COA6: variants seen among roughly 807,000 people sequenced by gnomAD.
The protein encoded by COA6 is cytochrome c oxidase assembly factor 6.
COA6 carries 12 observed loss-of-function variants against 17.1 expected under a neutral mutation model. The ratio of observed to expected loss-of-function variants is 0.70; its 90% CI spans 0.45 to 1.14. The LOEUF (loss-of-function observed/expected upper bound fraction) is 1.14, where lower values mean the gene tolerates loss of function less well. Ranked by LOEUF, COA6 falls within the 50% of genes most tolerant of loss-of-function variation. The pLI is 0.00. For missense variants in COA6, 246 were observed against 196.5 expected (o/e 1.25, Z -1.51); for synonymous variants, 90 against 73.4 (o/e 1.23, Z -1.16).
rs138374228 is a variant in COA6 at position 234,378,211 on chromosome 1, C to T, written c.372+3822C>T. Among the ~76,000 whole-genome samples the T allele has an allele frequency of 5.4e-3, 822 of 152,190 alleles. 9 individuals are homozygous for T. The highest frequency in any genetic ancestry group is 0.019 in the African/African-American group (793 of 41,522). ...AAATCACCCAAATATAGATGATGGC[C>T]CTACTTCAGCTCCATGGTCATTTTT... On this transcript the variant is annotated intron_variant, in intron 2 of 2. Transcript: ENST00000366615.
Position 234,374,302 on chromosome 1 carries a change from C to G in COA6, c.285C>G (p.Tyr95Ter). The G allele has an allele frequency of 6.2e-7, 1 of 1,613,984 alleles. No individual in the cohort carries two copies. The highest frequency in any genetic ancestry group is 8.5e-7 in the Non-Finnish European group (1 of 1,179,976). The change falls in exon 2 of 3, where the codon TAC becomes TAG. Residue 95 changes from tyrosine to a stop codon, truncating the protein, a stop_gained. Transcript: ENST00000366615. LOFTEE classifies it high-confidence loss of function. ...TCTGCTGGGGGGCCCGGGATGAGTACTGGAAGTGTTTAGATGAGAACTTAG... is the reference window on the plus strand; with the variant it reads ...TCTGCTGGGGGGCCCGGGATGAGTAGTGGAAGTGTTTAGATGAGAACTTAG... Reference protein sequence around the residue: ...RQVCWGARDEYWKCLDENLED... With the variant: ...RQVCWGARDE
In COA6 at chr1:234,373,614, G is replaced by A. The variant is rs1387636136; in HGVS notation, c.148G>A (p.Val50Met). 1.2e-6 allele frequency: 2 copies of A among 1,612,838 alleles called. No individual in the cohort carries two copies. The highest frequency in any genetic ancestry group is 1.7e-6 in the Non-Finnish European group (2 of 1,179,666). ...TRHRALHRRL[V>M]ACVTVSSRRH... ...GCACCGCGCCCTCCACCGCCGGTTGGTGGCCTGCGTGACAGTTTCCTCCCG... is the reference window on the plus strand; with the variant it reads ...GCACCGCGCCCTCCACCGCCGGTTGATGGCCTGCGTGACAGTTTCCTCCCG... Residue 50 changes from valine (V) to methionine (M), a missense_variant, in exon 1 of 3, where the codon GTG becomes ATG. Physicochemically the swap from Val to Met is conservative, Grantham distance 21. Coordinates refer to ENST00000366615, the MANE Select transcript of COA6 (RefSeq NM_001206641.3).
chr1:234,373,991 A>C (rs1658699999), intron 1 of COA6: 1 of 1,062,124 alleles, frequency 9.4e-7, no homozygotes, highest in Non-Finnish European at 1.3e-6. Context: ...CCGCCCCAGC[A>C]GGGATCAAAT....
chr1:234,377,960 A>AGCC (rs1658858992), intron 2 of COA6, among the ~76,000 whole-genome samples: 2 of 152,244 alleles, frequency 1.3e-5, no homozygotes. Flanking sequence ...AGCTCTCTGT[A>AGCC]ACCAGTCTTG....
chr1:234,374,337 C>A lies in COA6; in HGVS notation c.320C>A (p.Ser107Tyr), dbSNP rs754262241. 6.2e-7 allele frequency: 1 copy of A among 1,614,090 alleles called. No individual in the cohort carries two copies. Among genetic ancestry groups the A allele is most frequent in the Non-Finnish European group, 8.5e-7 (1 of 1,180,018 alleles). ...KCLDENLEDA[S>Y]QCKKLRSSFE... Reference sequence around the variant, plus strand: ...TTAGATGAGAACTTAGAGGATGCTTCTCAATGCAAGAAGTTAAGAAGCTCT... The same window carrying A: ...TTAGATGAGAACTTAGAGGATGCTTATCAATGCAAGAAGTTAAGAAGCTCT... Residue 107 changes from serine (S) to tyrosine (Y), a missense_variant, in exon 2 of 3, where the codon TCT (serine) becomes TAT (tyrosine). Transcript: ENST00000366615.
At chr1:234,374,094 T>C in intron 1 of COA6, 136 bp from the exon 2 acceptor site, 1 of 1,051,330 alleles carries the variant, frequency 9.5e-7, no homozygotes, top group East Asian at 2.6e-5. Context: ...TCCCTAAGCA[T>C]GGTTTTGTTT....
In COA6 at chr1:234,374,365, C is replaced by G; in HGVS notation, c.348C>G (p.Phe116Leu). Residue 116 changes from phenylalanine to leucine, a missense_variant, in exon 2 of 3, where the codon TTC becomes TTG. Transcript: ENST00000366615. ...AATGCAAGAAGTTAAGAAGCTCTTTCGAATCAAGTTGTCCCCAACAGTGGG... is the reference window on the plus strand; with the variant it reads ...AATGCAAGAAGTTAAGAAGCTCTTTGGAATCAAGTTGTCCCCAACAGTGGG... ...ASQCKKLRSSFESSCPQQWIK... is the reference protein window; with the variant it reads ...ASQCKKLRSSLESSCPQQWIK... 6.2e-7 allele frequency: 1 copy of G among 1,613,960 alleles called. No individual in the cohort carries two copies. The highest frequency in any genetic ancestry group is 8.5e-7 in the Non-Finnish European group (1 of 1,179,990).
chr1:234,379,815 CACTT>C lies in COA6; in HGVS notation c.373-3904_373-3901del, dbSNP rs539506541. 5.2e-4 allele frequency among the ~76,000 whole-genome samples: 79 copies of C among 152,262 alleles called. No individual in the cohort carries two copies. In the Middle Eastern group the frequency reaches 0.01, roughly 20 times the overall value. On this transcript the variant is annotated intron_variant, in intron 2 of 2. Coordinates refer to ENST00000366615, the MANE Select transcript of COA6 (RefSeq NM_001206641.3). ...AAAACCATCTGATCTTATGAGAACT[CACTT>C]ACTGTCACAAGAACAGCGTGGGAGA...
At position 234,382,158 on chromosome 1, in the gene COA6, GT is replaced by G. The variant is rs1658990961; in HGVS notation, c.373-1561del. 3.3e-5 allele frequency among the ~76,000 whole-genome samples: 5 copies of G among 152,236 alleles called. No individual in the cohort carries two copies. The South Asian group carries it at 1.0e-3, about 31-fold the overall frequency. On this transcript the variant is annotated intron_variant, in intron 2 of 2. Coordinates refer to ENST00000366615, the MANE Select transcript of COA6 (RefSeq NM_001206641.3). ...TTAGGTAAAATTTAAATGAAATGGT[GT>G]TTTGACAACCTCAGTACAAAGCATA...
At chr1:234,374,482 A>C in intron 2 of COA6, 93 bp downstream of exon 2, 1 of 1,296,150 alleles carries the variant, frequency 7.7e-7, no homozygotes, top group Non-Finnish European at 1.1e-6. Flanking sequence ...TCTCTGAGGC[A>C]TGTCAATTAA....
chr1:234,377,133 T>TTGTTGTTG (rs1553268494), intron 2 of COA6, among the ~76,000 whole-genome samples: 2 of 69,546 alleles, frequency 2.9e-5, no homozygotes, highest in Non-Finnish European at 5.4e-5. Flanking sequence ...TTTTGTTTTT[T>TTGTTGTTG]TTGTTGTTGT....
At chr1:234,382,815 G>A (rs1659012106) in intron 2 of COA6, among the ~76,000 whole-genome samples, 1 of 152,050 alleles carries the variant, frequency 6.6e-6, no homozygotes, top group South Asian at 2.1e-4. Context: ...GACCAGCCTG[G>A]CCAAGATGGC....
rs1441271598 is a variant in COA6 at position 234,384,245 on chromosome 1, C to CAAG, written c.*428_*430dup. ...GGAAGAAGGGTGAACTTAAAATATACAAGTAAAATAATAAAAGCCATCTAT... is the reference window on the plus strand; with the variant it reads ...GGAAGAAGGGTGAACTTAAAATATACAAGAAGTAAAATAATAAAAGCCATCTAT... On this transcript the variant is annotated 3_prime_UTR_variant, in exon 3 of 3. Coordinates refer to ENST00000366615, the MANE Select transcript of COA6 (RefSeq NM_001206641.3). Among the ~76,000 whole-genome samples the CAAG allele has an allele frequency of 2.6e-5, 4 of 151,844 alleles. No individual in the cohort carries two copies. Among genetic ancestry groups the CAAG allele is most frequent in the African/African-American group, 9.7e-5 (4 of 41,362 alleles).
chr1:234,374,415 C>T (rs1431037374), intron 2 of COA6, 26 bp downstream of exon 2: 1 of 1,612,374 alleles, frequency 6.2e-7, no homozygotes, highest in East Asian at 2.2e-5. Context: ...ATGTGTTTCT[C>T]TTCCCTGTTA....
chr1:234,384,644 C>G lies in COA6; in HGVS notation c.*826C>G, dbSNP rs1213010397. Among the ~76,000 whole-genome samples, 1 of 152,136 alleles carries G rather than the reference C, an allele frequency of 6.6e-6. No individual in the cohort carries two copies. The highest frequency in any genetic ancestry group is 1.5e-5 in the Non-Finnish European group (1 of 68,026). On this transcript the variant is annotated 3_prime_UTR_variant, in exon 3 of 3. Coordinates refer to ENST00000366615, the MANE Select transcript of COA6 (RefSeq NM_001206641.3). ...TATATGGAGGCCTCTATGCTGAGAA[C>G]TAGAAAACACTTGGAAGCAGACTAC...
At chr1:234,380,807 C>G (rs1260358754) in intron 2 of COA6, among the ~76,000 whole-genome samples, 1 of 152,214 alleles carries the variant, frequency 6.6e-6, no homozygotes, top group African/African-American at 2.4e-5. Flanking sequence ...CGGGACCAGC[C>G]TGGCCAACAT....
In COA6 at chr1:234,377,078, G is replaced by C. The variant is rs879908879; in HGVS notation, c.372+2689G>C. Among the ~76,000 whole-genome samples, 48 of 129,016 alleles carry C rather than the reference G, an allele frequency of 3.7e-4. 3 individuals are homozygous for C. Among genetic ancestry groups the C allele is most frequent in the African/African-American group, 8.5e-4 (29 of 33,942 alleles). 84.6% of individuals were successfully genotyped at this position (129,016 alleles called of 152,430 possible). On this transcript the variant is annotated intron_variant, in intron 2 of 2. Coordinates refer to ENST00000366615, the MANE Select transcript of COA6 (RefSeq NM_001206641.3). The stretch of plus-strand genomic sequence containing the variant: ...TGTTGCCGAGAGAGAGAGAGAGAGA[G>C]AGAGAGAGAGAGAGAGAGAGAGATC...
intron 2 of COA6, among the ~76,000 whole-genome samples, chr1:234,382,908 G>T (rs1389037960): frequency 6.6e-6 from 1 of 152,086 alleles, no homozygotes; most frequent in Non-Finnish European, 1.5e-5. Flanking sequence ...TTGGGAGGCT[G>T]AGGCCAGAGA....
chr1:234,383,597 C>CACAA (rs952851914), intron 2 of COA6, 126 bp from the exon 3 acceptor site: 5 of 582,370 alleles, frequency 8.6e-6, no homozygotes, highest in Non-Finnish European at 1.2e-5. Context: ...CACACACACA[C>CACAA]AAAATGGTTC....
Sources: gnomAD v4.1 joint callset for allele counts (sites outside exome capture counted in the v4.1 genomes callset) on GRCh38, gnomAD v4.1.1 for gene constraint, MANE v1.5 for transcripts, NCBI Gene and HGNC (gene_info 2026-07-23, HGNC 2026-07-21) for gene names.